Variants in NUBPL observed in about 807,000 individuals in gnomAD.
NUBPL encodes iron-sulfur cluster transfer protein NUBPL.
Under a neutral mutation model 45.7 loss-of-function variants are expected in NUBPL, and 31 were observed. That is an observed-to-expected ratio of 0.68 (90% CI 0.51 to 0.92). The LOEUF is 0.92. NUBPL is among the 40% of genes least tolerant of loss of function. NUBPL has a pLI of 0.00. For synonymous variants in NUBPL, 144 were observed against 140.9 expected, an observed-to-expected ratio of 1.02 and a Z score of -0.15; for missense variants, 401 against 398.7, an observed-to-expected ratio of 1.01 and a Z score of -0.05.
intron 6 of NUBPL, among the ~76,000 whole-genome samples, chr14:31,729,037 T>A (rs1268908586): frequency 6.6e-6 from 1 of 152,162 alleles, no homozygotes; most frequent in African/African-American, 2.4e-5. Context: ...TCCCAGTGCT[T>A]TGGGAGGCTG....
intron 9 of NUBPL, 70 bp from the exon 10 acceptor site, chr14:31,850,049 C>G: frequency 8.8e-7 from 1 of 1,138,450 alleles, no homozygotes; most frequent in Non-Finnish European, 1.3e-6. Flanking sequence ...TTCCATAGTT[C>G]AAATAGTGAG....
At chr14:31,704,852 G>A (rs1368702143) in intron 6 of NUBPL, among the ~76,000 whole-genome samples, 2 of 152,146 alleles carry the variant, frequency 1.3e-5, no homozygotes, top group Non-Finnish European at 2.9e-5. Flanking sequence ...TGGTCTCGCT[G>A]ACTTCAAGAA....
chr14:31,627,637 G>T (rs1423861586), intron 4 of NUBPL, among the ~76,000 whole-genome samples: 2 of 151,888 alleles, frequency 1.3e-5, no homozygotes, highest in African/African-American at 4.8e-5. Flanking sequence ...GTGGTGGCGG[G>T]CACCTGTAGT....
At chr14:31,721,790 C>T (rs2037814983) in intron 6 of NUBPL, among the ~76,000 whole-genome samples, 1 of 152,002 alleles carries the variant, frequency 6.6e-6, no homozygotes, top group African/African-American at 2.4e-5. Flanking sequence ...AAGTAGACCC[C>T]AGTGTCTGTT....
rs564860652 is a variant in NUBPL at position 31,563,669 on chromosome 14, A to G, written c.257-1345A>G. Among the ~76,000 whole-genome samples the G allele has an allele frequency of 4.6e-5, 7 of 152,306 alleles. No individual in the cohort carries two copies. The East Asian group carries it at 1.4e-3, about 29-fold the overall frequency. ...CAAAATACTTCCCATTTGAATATAC[A>G]TGCTAGAGATGTTTTAGATTAGAAT... On this transcript the variant is annotated intron_variant, in intron 2 of 10. Coordinates refer to ENST00000281081, the MANE Select transcript of NUBPL (RefSeq NM_025152.3).
chr14:31,636,088 C>T (rs1364857337), intron 4 of NUBPL, among the ~76,000 whole-genome samples: 2 of 151,752 alleles, frequency 1.3e-5, no homozygotes, highest in Non-Finnish European at 1.5e-5. Flanking sequence ...TTATTTCCTT[C>T]TCCTGCCTAA....
At chr14:31,624,782 C>G (rs1432758976) in intron 4 of NUBPL, among the ~76,000 whole-genome samples, 1 of 152,164 alleles carries the variant, frequency 6.6e-6, no homozygotes, top group African/African-American at 2.4e-5. Flanking sequence ...CCAGGCTGGT[C>G]TTGAACTCCT....
chr14:31,610,694 A>C (rs7153972), intron 4 of NUBPL, among the ~76,000 whole-genome samples: 1,791 of 151,914 alleles, frequency 0.012, 29 homozygotes, highest in African/African-American at 0.033. Flanking sequence ...ATAAAATACT[A>C]GGAAACCAAA....
intron 4 of NUBPL, among the ~76,000 whole-genome samples, chr14:31,616,116 T>G (rs1256516089): frequency 6.6e-6 from 1 of 152,210 alleles, no homozygotes; most frequent in African/African-American, 2.4e-5. Context: ...TCTCTTCATA[T>G]CCTTTGCCCA....
chr14:31,582,177 ATAG>A (rs1298076507), intron 3 of NUBPL, among the ~76,000 whole-genome samples: 1 of 152,094 alleles, frequency 6.6e-6, no homozygotes, highest in African/African-American at 2.4e-5. Flanking sequence ...AAATTTTATC[ATAG>A]TAGGGACAAT....
At chr14:31,652,028 T>C (rs2036021814) in intron 4 of NUBPL, among the ~76,000 whole-genome samples, 1 of 151,874 alleles carries the variant, frequency 6.6e-6, no homozygotes, top group Non-Finnish European at 1.5e-5. Flanking sequence ...CATCAATGAA[T>C]GAATGGATAA....
chr14:31,727,275 G>A (rs2037946113), intron 6 of NUBPL, among the ~76,000 whole-genome samples: 1 of 152,170 alleles, frequency 6.6e-6, no homozygotes, highest in Admixed American at 6.5e-5. Context: ...GAAATATGAT[G>A]AATTCAAGTT....
chr14:31,609,993 C>T (rs987482206), intron 4 of NUBPL, among the ~76,000 whole-genome samples: 7 of 151,826 alleles, frequency 4.6e-5, no homozygotes, highest in East Asian at 1.9e-4. Context: ...AACAATTTAA[C>T]GATGCATCTT....
At chr14:31,762,396 G>T (rs1221219385) in intron 6 of NUBPL, among the ~76,000 whole-genome samples, 1 of 152,076 alleles carries the variant, frequency 6.6e-6, no homozygotes, top group East Asian at 1.9e-4. Context: ...TAGCTTCATG[G>T]GTATTTGGCT....
rs1005707122 is a variant in NUBPL at position 31,683,737 on chromosome 14, GTTTTTC to G, written c.513+10167_513+10172del. 6.6e-5 allele frequency among the ~76,000 whole-genome samples: 10 copies of G among 151,864 alleles called. No homozygotes were observed. In the South Asian group the frequency reaches 1.5e-3, roughly 22 times the overall value. ...TTAGATCTGAGTTTAATCTGGTACT[GTTTTTC>G]TTTATCTTAAAAATCTTCATTTTTT... On this transcript the variant is annotated intron_variant, in intron 6 of 10. Transcript: ENST00000281081.
At chr14:31,594,823 C>T (rs1371181223) in intron 3 of NUBPL, among the ~76,000 whole-genome samples, 1 of 152,116 alleles carries the variant, frequency 6.6e-6, no homozygotes, top group Non-Finnish European at 1.5e-5. Context: ...TGAATAATTT[C>T]TAAATTGAAT....
At chr14:31,687,782 G>A (rs1349602064) in intron 6 of NUBPL, among the ~76,000 whole-genome samples, 1 of 152,192 alleles carries the variant, frequency 6.6e-6, no homozygotes, top group African/African-American at 2.4e-5. Context: ...CACTAGTGAT[G>A]CTGGAAGTCT....
At chr14:31,615,339 A>G (rs187240962) in intron 4 of NUBPL, among the ~76,000 whole-genome samples, 1 of 152,260 alleles carries the variant, frequency 6.6e-6, no homozygotes, top group East Asian at 1.9e-4. Flanking sequence ...GTACATGTGC[A>G]GAACGTGCAG....
At chr14:31,568,083 T>C (rs1334906112) in intron 3 of NUBPL, among the ~76,000 whole-genome samples, 1 of 152,218 alleles carries the variant, frequency 6.6e-6, no homozygotes, top group Non-Finnish European at 1.5e-5. Flanking sequence ...GGCAACCGTA[T>C]TGAGATAAGA....
Sources: allele counts gnomAD v4.1 joint callset (sites outside exome capture counted in the v4.1 genomes callset), GRCh38; gene constraint gnomAD v4.1.1; transcripts MANE v1.5; gene names NCBI Gene and HGNC (gene_info 2026-07-23, HGNC 2026-07-21).